ADAMTS7: variants seen among roughly 807,000 people sequenced by gnomAD.
ADAMTS7 encodes ADAM metallopeptidase with thrombospondin type 1 motif 7, also known as A disintegrin and metalloproteinase with thrombospondin motifs 7.
Under a neutral mutation model 172.6 loss-of-function variants are expected in ADAMTS7, and 89 were observed. The ratio of observed to expected loss-of-function variants is 0.52; its 90% CI spans 0.43 to 0.61. The LOEUF (loss-of-function observed/expected upper bound fraction) is 0.61. Among genes scored for constraint, ADAMTS7 ranks in the 20% least tolerant of loss-of-function variants. ADAMTS7 has a pLI of 0.00. For missense variants in ADAMTS7, 1,973 were observed against 2,355.6 expected (o/e 0.84, Z 3.36); for synonymous variants, 885 against 978.4 (o/e 0.90, Z 1.78).
Position 78,764,423 on chromosome 15 carries a change from G to A in ADAMTS7, c.4419+132C>T, listed in dbSNP as rs202028776. 7.2e-5 allele frequency: 88 copies of A among 1,223,202 alleles called. No individual in the cohort carries two copies. The East Asian group carries it at 1.6e-3, about 23-fold the overall frequency. The allele number at this position is 1,223,202 out of a possible 1,614,324, so 75.8% of individuals were successfully genotyped here. A position where few individuals can be genotyped will look rare whatever the true frequency, so the allele number is the denominator to read the frequency against. On this transcript the variant is annotated intron_variant, in intron 20 of 23. Coordinates refer to ENST00000388820, the MANE Select transcript of ADAMTS7 (RefSeq NM_014272.5). ...AAGACTCCCAAGAGATTCAGAATCC[G>A]GTGTGATCGGGCACACAGATGTGCA...
chr15:78,768,023 C>CTGGGGTTGGGGAGTTGGCGGGGGA, intron 17 of ADAMTS7, 110 bp downstream of exon 17: 1 of 286,374 alleles, frequency 3.5e-6, no homozygotes, highest in Non-Finnish European at 6.1e-6. Flanking sequence ...CCCAGGATGC[C>CTGGGGTTGGGGAGTTGGCGGGGGA]TGGGGGTGGG....
intron 6 of ADAMTS7, among the ~76,000 whole-genome samples, chr15:78,790,446 C>T (rs1292624505): frequency 6.6e-6 from 1 of 152,174 alleles, no homozygotes; most frequent in Non-Finnish European, 1.5e-5. Flanking sequence ...TATACAGGCC[C>T]TCTCTCTATT....
intron 16 of ADAMTS7, among the ~76,000 whole-genome samples, chr15:78,769,832 GTGTATT>G (rs2055217088): frequency 6.6e-6 from 1 of 152,262 alleles, no homozygotes; most frequent in Non-Finnish European, 1.5e-5. Flanking sequence ...AGTGCTGCAA[GTGTATT>G]TGTTGGTTTT....
At chr15:78,772,876 CAGG>C (rs1222464591) in intron 14 of ADAMTS7, among the ~76,000 whole-genome samples, 1 of 152,252 alleles carries the variant, frequency 6.6e-6, no homozygotes, top group Non-Finnish European at 1.5e-5. Context: ...GTGTCTGGGA[CAGG>C]AGGACTCCCC....
chr15:78,770,191 A>AAATAT (rs1439113022), intron 16 of ADAMTS7, among the ~76,000 whole-genome samples: 1 of 151,442 alleles, frequency 6.6e-6, no homozygotes, highest in Non-Finnish European at 1.5e-5. Flanking sequence ...AAAATAAATA[A>AAATAT]AATAAAATAA....
chr15:78,789,657 T>C (rs757518426), intron 7 of ADAMTS7, 32 bp downstream of exon 7: 2 of 1,611,660 alleles, frequency 1.2e-6, no homozygotes, highest in South Asian at 1.1e-5. Flanking sequence ...GAAGCTCGGC[T>C]CTCAGTGTAG....
Position 78,789,749 on chromosome 15 carries a change from C to A in ADAMTS7, c.1118G>T (p.Ser373Ile). The A allele has an allele frequency of 6.2e-7, 1 of 1,612,538 alleles. No individual in the cohort carries two copies. The highest frequency in any genetic ancestry group is 8.5e-7 in the Non-Finnish European group (1 of 1,179,624). The change falls in exon 7 of 24, where the codon AGC becomes ATC. Residue 373 changes from serine (S) to isoleucine (I), a missense_variant. Physicochemically the swap from Ser to Ile is moderately radical, Grantham distance 142. This residue lies in a region of ADAMTS7 where 526 missense variants were observed against 662.9 expected (regional missense o/e 0.79). Coordinates refer to ENST00000388820, the MANE Select transcript of ADAMTS7 (RefSeq NM_014272.5). ...CGGCAGGCCCGTGTCCTCGTTGATG[C>A]TGCAGCTGCGGTGCGGCTGGCACAT... Reference protein sequence around the residue: ...AGMCQPHRSCSINEDTGLPLA... With the variant: ...AGMCQPHRSCIINEDTGLPLA...
chr15:78,777,681 G>C lies in ADAMTS7; in HGVS notation c.1323-93C>G, dbSNP rs1478578661. The C allele has an allele frequency of 2.7e-6, 4 of 1,465,656 alleles. 1 individual carries two copies. Among genetic ancestry groups the C allele is most frequent in the South Asian group, 2.6e-5 (2 of 78,344 alleles). 90.8% of individuals were successfully genotyped at this position (1,465,656 alleles called of 1,614,324 possible). ...GCCGGGACAGGAGGAGAGGTGGGAGGGGGCACAGAGCCCTACAACTGTAGG... is the reference window on the plus strand; with the variant it reads ...GCCGGGACAGGAGGAGAGGTGGGAGCGGGCACAGAGCCCTACAACTGTAGG... On this transcript the variant is annotated intron_variant, in intron 8 of 23. Coordinates refer to ENST00000388820, the MANE Select transcript of ADAMTS7 (RefSeq NM_014272.5).
Position 78,800,474 on chromosome 15 carries a change from C to T in ADAMTS7, c.174G>A (p.Leu58=). The T allele has an allele frequency of 6.2e-7, 1 of 1,610,700 alleles. No individual in the cohort carries two copies. Among genetic ancestry groups the T allele is most frequent in the East Asian group, 2.2e-5 (1 of 44,780 alleles). ...GTGCGCGGGGCCACAGCTCGTAGGA[C>T]AGGAAGGAGCCCCCCGCGTCGACTC... is the stretch of plus-strand genomic sequence containing the variant. The part of the protein sequence containing the change: ...PVRVDAGGSF[L]SYELWPRALR... Residue 58 remains leucine (L), a synonymous_variant, in exon 2 of 24, where the codon CTG becomes CTA. Transcript: ENST00000388820.
At chr15:78,804,674 C>T (rs959656307) in intron 1 of ADAMTS7, among the ~76,000 whole-genome samples, 4 of 152,210 alleles carry the variant, frequency 2.6e-5, no homozygotes, top group East Asian at 1.9e-4. Flanking sequence ...TGCTCACAAC[C>T]GCCGCAGCGA....
chr15:78,777,675 T>C lies in ADAMTS7; in HGVS notation c.1323-87A>G, dbSNP rs530295622. 9.5e-4 allele frequency: 1,428 copies of C among 1,498,222 alleles called. 2 individuals are homozygous for C. Among genetic ancestry groups the C allele is most frequent in the Admixed American group, 2.3e-3 (116 of 50,122 alleles). 92.8% of individuals were successfully genotyped at this position (1,498,222 alleles called of 1,614,324 possible). ...GGTGGGGCCGGGACAGGAGGAGAGGTGGGAGGGGGCACAGAGCCCTACAAC... is the reference window on the plus strand; with the variant it reads ...GGTGGGGCCGGGACAGGAGGAGAGGCGGGAGGGGGCACAGAGCCCTACAAC... On this transcript the variant is annotated intron_variant, in intron 8 of 23. Coordinates refer to ENST00000388820, the MANE Select transcript of ADAMTS7 (RefSeq NM_014272.5).
rs3825816 is a variant in ADAMTS7 at position 78,771,374 on chromosome 15, C to T, written c.2377-71G>A. ...TCCACCCAGTCCTAAAGGAGCTGAC[C>T]CCAGCCACCTCTGTGAACTGCAGCT... On this transcript the variant is annotated intron_variant, in intron 15 of 23. Coordinates refer to ENST00000388820, the MANE Select transcript of ADAMTS7 (RefSeq NM_014272.5). This position sits in a 1 kb window ranked among gnomAD's most constrained non-coding sequence, Gnocchi z 4.9. 1 of 1,606,282 alleles carries T rather than the reference C, an allele frequency of 6.2e-7. No individual in the cohort carries two copies. Among genetic ancestry groups the T allele is most frequent in the East Asian group, 2.2e-5 (1 of 44,744 alleles).
At position 78,797,951 on chromosome 15, in the gene ADAMTS7, G is replaced by A. The variant is rs1410710075; in HGVS notation, c.619C>T (p.Gln207Ter). 6.3e-7 allele frequency: 1 copy of A among 1,599,734 alleles called. No homozygotes were observed. Residue 207 changes from glutamine (Q) to a stop codon, truncating the protein, a stop_gained, in exon 3 of 24, where the codon CAA (glutamine) becomes TAA (stop). Transcript: ENST00000388820. LOFTEE classifies it high-confidence loss of function. ...AACTGGGAGCAGAAGAGCATACCTT[G>A]CACTCCACAGGTGCTTGGAGCACTG... is the stretch of plus-strand genomic sequence containing the variant. The part of the protein sequence containing the change: ...DSSAPSTCGV[Q>*]VYPELESRRE...
Position 78,796,674 on chromosome 15 carries a change from C to T in ADAMTS7, c.735G>A (p.Glu245=), listed in dbSNP as rs766259702. 6.2e-7 allele frequency: 1 copy of T among 1,614,122 alleles called. No homozygotes were observed. The highest frequency in any genetic ancestry group is 1.7e-5 in the Admixed American group (1 of 60,032). ...QRSVSKEKWV[E]TLVVADAKMV... ...TTTTGGCATCAGCTACTACCAGGGTCTCCACCCACTTCTCTTTGCTGACCG... is the reference window on the plus strand; with the variant it reads ...TTTTGGCATCAGCTACTACCAGGGTTTCCACCCACTTCTCTTTGCTGACCG... The change falls in exon 4 of 24, where the codon GAG becomes GAA. Residue 245 remains glutamate, a synonymous_variant. Transcript: ENST00000388820.
At chr15:78,786,930 T>C (rs1373243480) in intron 8 of ADAMTS7, among the ~76,000 whole-genome samples, 1 of 152,154 alleles carries the variant, frequency 6.6e-6, no homozygotes, top group Non-Finnish European at 1.5e-5. Flanking sequence ...CTACTCAACA[T>C]GAAGAGGATG....
At chr15:78,803,322 T>C (rs1286173491) in intron 1 of ADAMTS7, among the ~76,000 whole-genome samples, 2 of 152,168 alleles carry the variant, frequency 1.3e-5, no homozygotes, top group Admixed American at 6.5e-5. Flanking sequence ...ATGGCGCCAC[T>C]GCACTCCAGC....
At chr15:78,794,131 C>A (rs904879686) in intron 4 of ADAMTS7, among the ~76,000 whole-genome samples, 36 of 152,166 alleles carry the variant, frequency 2.4e-4, no homozygotes, top group African/African-American at 7.7e-4. Flanking sequence ...CCCAGCTACT[C>A]AGGAGACTGA....
In ADAMTS7 at chr15:78,800,267, G is replaced by C; in HGVS notation, c.381C>G (p.Ala127=). ...CCTGCACCTCGCCAAGCAGGTGGCA[G>C]GCCGGGGTGTGGGCCCGGATGTGCG... ...GRAHIRAHTP[A]CHLLGEVQDP... Residue 127 remains alanine (A), a synonymous_variant, in exon 2 of 24, where the codon GCC becomes GCG. Coordinates refer to ENST00000388820, the MANE Select transcript of ADAMTS7 (RefSeq NM_014272.5). The C allele has an allele frequency of 6.3e-7, 1 of 1,595,084 alleles. No individual in the cohort carries two copies. Among genetic ancestry groups the C allele is most frequent in the African/African-American group, 1.3e-5 (1 of 74,662 alleles).
intron 23 of ADAMTS7, among the ~76,000 whole-genome samples, chr15:78,759,982 C>T (rs1331304298): frequency 6.6e-6 from 1 of 152,238 alleles, no homozygotes; most frequent in Middle Eastern, 3.4e-3. Context: ...CTGCAGCGGC[C>T]TCTGCCCCCG....
Sources: allele counts gnomAD v4.1 joint callset (sites outside exome capture counted in the v4.1 genomes callset), GRCh38; gene constraint gnomAD v4.1.1; regional missense constraint gnomAD v4.1.1; non-coding constraint Gnocchi (gnomAD v3.1); transcripts MANE v1.5; gene names NCBI Gene and HGNC (gene_info 2026-07-23, HGNC 2026-07-21).